Variants in KANSL1 observed in about 807,000 individuals in gnomAD.
KANSL1 encodes the protein MLL1/MLL complex subunit KANSL1.
Under a neutral mutation model 103.6 loss-of-function variants are expected in KANSL1, and 22 were observed. The observed-to-expected ratio is 0.21, with a 90% CI of 0.15 to 0.30. The LOEUF is 0.30. KANSL1 is among the 10% of genes least tolerant of loss of function. The pLI, the probability that KANSL1 is intolerant of heterozygous loss-of-function variation, is 1.00. For missense variants in KANSL1, 1,337 were observed against 1,399.8 expected, an observed-to-expected ratio of 0.96 and a Z score of 0.72; for synonymous variants, 600 against 527.6, an observed-to-expected ratio of 1.14 and a Z score of -1.88.
chr17:46,187,565 GA>G (rs1324379149), intron 1 of KANSL1, among the ~76,000 whole-genome samples: 1 of 151,740 alleles, frequency 6.6e-6, no homozygotes, highest in African/African-American at 2.4e-5. Flanking sequence ...TTACAGCCAG[GA>G]AAAAAAAGGG....
At chr17:46,100,368 T>C (rs1244901879) in intron 2 of KANSL1, among the ~76,000 whole-genome samples, 1 of 146,368 alleles carries the variant, frequency 6.8e-6, no homozygotes, top group Non-Finnish European at 1.5e-5. Context: ...ATCCAGGAGG[T>C]GACGGAGGCT....
intron 6 of KANSL1, among the ~76,000 whole-genome samples, chr17:46,066,300 G>C (rs1031190019): frequency 1.3e-5 from 2 of 152,214 alleles, no homozygotes; most frequent in Non-Finnish European, 2.9e-5. Context: ...AAAAGCTCAA[G>C]ACAGTGGTTT....
chr17:46,068,007 T>C lies in KANSL1; in HGVS notation c.1534-340A>G, dbSNP rs75641221. Among the ~76,000 whole-genome samples, 21,774 of 151,752 alleles carry C rather than the reference T, an allele frequency of 0.14. 2,128 individuals are homozygous for C. Among genetic ancestry groups the C allele is most frequent in the Non-Finnish European group, 0.22 (14,736 of 67,862 alleles). The stretch of plus-strand genomic sequence containing the variant: ...GGAGAATATTATATTAGCTTTTGCT[T>C]TGGGGGGAAGAGGGATGAGGAATCC... On this transcript the variant is annotated intron_variant, in intron 4 of 14. Transcript: ENST00000432791.
intron 11 of KANSL1, 147 bp downstream of exon 11, chr17:46,034,014 A>T: frequency 2.0e-6 from 2 of 995,476 alleles, no homozygotes; most frequent in Non-Finnish European, 2.9e-6. Flanking sequence ...TATATACAGA[A>T]ATAATTTCGT....
chr17:46,080,502 CA>C (rs886674408), intron 4 of KANSL1, among the ~76,000 whole-genome samples: 1 of 150,936 alleles, frequency 6.6e-6, no homozygotes, highest in Non-Finnish European at 1.5e-5. Context: ...TAAAACAAAA[CA>C]AAACAAAAAA....
intron 1 of KANSL1, among the ~76,000 whole-genome samples, chr17:46,190,133 C>G (rs2047241785): frequency 6.6e-6 from 1 of 152,220 alleles, no homozygotes; most frequent in Admixed American, 6.5e-5. Flanking sequence ...CAATCCTCTA[C>G]AGAAGACGCA....
chr17:46,211,353 AC>A (rs1209935244), intron 1 of KANSL1, among the ~76,000 whole-genome samples: 1 of 152,186 alleles, frequency 6.6e-6, no homozygotes, highest in Admixed American at 6.5e-5. Context: ...CTTGGGCCAC[AC>A]ATAAAATACA....
intron 2 of KANSL1, among the ~76,000 whole-genome samples, chr17:46,114,932 CTTTTGA>C (rs376211171): frequency 1.1e-4 from 16 of 152,264 alleles, no homozygotes; most frequent in African/African-American, 3.1e-4. Flanking sequence ...ACAGTTTCTC[CTTTTGA>C]TTTAGACACT....
chr17:46,112,493 T>C (rs1331539527), intron 2 of KANSL1, among the ~76,000 whole-genome samples: 14 of 148,860 alleles, frequency 9.4e-5, no homozygotes, highest in Non-Finnish European at 2.1e-4. Flanking sequence ...GAGACCGGCG[T>C]GGCCAACATG....
intron 2 of KANSL1, among the ~76,000 whole-genome samples, chr17:46,128,870 A>G (rs2043705848): frequency 1.3e-5 from 2 of 152,192 alleles, no homozygotes. Context: ...AAGAACTTTG[A>G]GGAGGGACAC....
chr17:46,161,894 A>C (rs528438682), intron 2 of KANSL1, among the ~76,000 whole-genome samples: 27 of 152,366 alleles, frequency 1.8e-4, no homozygotes, highest in African/African-American at 5.0e-4. Flanking sequence ...ATTTAATAGC[A>C]AATTTTCAGT....
At chr17:46,076,764 GATTT>G (rs1324562400) in intron 4 of KANSL1, among the ~76,000 whole-genome samples, 6 of 152,058 alleles carry the variant, frequency 3.9e-5, no homozygotes, top group Non-Finnish European at 5.9e-5. Context: ...TCTTTTGTTA[GATTT>G]ATTCCTAAGT....
At chr17:46,084,362 A>T (rs2079085482) in intron 3 of KANSL1, among the ~76,000 whole-genome samples, 1 of 151,816 alleles carries the variant, frequency 6.6e-6, no homozygotes, top group Non-Finnish European at 1.5e-5. Flanking sequence ...AGCCTGGGCG[A>T]CAGACCAAGG....
intron 2 of KANSL1, among the ~76,000 whole-genome samples, chr17:46,167,055 GA>G (rs78711997): frequency 1.1e-3 from 158 of 140,634 alleles, no homozygotes; most frequent in African/African-American, 2.2e-3. Context: ...AAAAAGAAAG[GA>G]AAAAAAAAAA....
chr17:46,182,915 G>A (rs911538233), intron 1 of KANSL1, among the ~76,000 whole-genome samples: 1 of 152,196 alleles, frequency 6.6e-6, no homozygotes, highest in African/African-American at 2.4e-5. Flanking sequence ...AGGAAAGTCA[G>A]TCAAAGAACA....
chr17:46,204,536 T>C (rs1412299091), intron 1 of KANSL1, among the ~76,000 whole-genome samples: 2 of 152,238 alleles, frequency 1.3e-5, no homozygotes, highest in Non-Finnish European at 2.9e-5. Context: ...TTACAATTGC[T>C]AAATGAATGT....
chr17:46,077,671 C>A (rs2078831841), intron 4 of KANSL1, among the ~76,000 whole-genome samples: 1 of 152,148 alleles, frequency 6.6e-6, no homozygotes, highest in Non-Finnish European at 1.5e-5. Flanking sequence ...GATTCTCCTG[C>A]TTCAGCCTCC....
At chr17:46,100,552 A>G (rs1243899310) in intron 2 of KANSL1, among the ~76,000 whole-genome samples, 1 of 152,190 alleles carries the variant, frequency 6.6e-6, no homozygotes. Flanking sequence ...GTTGGCTAAA[A>G]ATTAATTTTT....
intron 2 of KANSL1, among the ~76,000 whole-genome samples, chr17:46,104,041 C>T (rs1280460055): frequency 6.6e-6 from 1 of 152,054 alleles, no homozygotes; most frequent in East Asian, 1.9e-4. Flanking sequence ...AATAAACAAA[C>T]AAACAAACAA....
Sources: allele counts gnomAD v4.1 joint callset (sites outside exome capture counted in the v4.1 genomes callset), GRCh38; gene constraint gnomAD v4.1.1; transcripts MANE v1.5; gene names NCBI Gene and HGNC (gene_info 2026-07-23, HGNC 2026-07-21).